SUSD3: variants seen among roughly 807,000 people sequenced by gnomAD.
SUSD3 encodes sushi domain-containing protein 3.
A neutral mutation model predicts 20.6 loss-of-function variants in SUSD3; 18 were observed. The observed-to-expected ratio is 0.87, with a 90% CI of 0.60 to 1.30. The LOEUF is 1.30. Among genes scored for constraint, SUSD3 ranks in the 50% most tolerant of loss-of-function variants. The pLI, the probability that SUSD3 is intolerant of heterozygous loss-of-function variation, is 0.00. For synonymous variants in SUSD3, 137 were observed against 141.5 expected (o/e 0.97, Z 0.23); for missense variants, 306 against 346.9 (o/e 0.88, Z 0.94).
intron 1 of SUSD3, among the ~76,000 whole-genome samples, chr9:93,073,913 T>G (rs1407677328): frequency 6.6e-6 from 1 of 152,180 alleles, no homozygotes; most frequent in Non-Finnish European, 1.5e-5. Flanking sequence ...CCCTGCAGCA[T>G]AAGAGCCGTG....
chr9:93,084,792 G>A lies in SUSD3; in HGVS notation c.*45G>A, dbSNP rs771909683. ...CCCATGCTCCACACTGGGAGGCCAG[G>A]CTGACCCCACCAGCCAGTCAGCTAC... On this transcript the variant is annotated 3_prime_UTR_variant, in exon 5 of 5. Transcript: ENST00000375472. 1.7e-5 allele frequency: 25 copies of A among 1,432,090 alleles called. No homozygotes were observed. The highest frequency in any genetic ancestry group is 2.3e-5 in the Non-Finnish European group (25 of 1,091,918). The allele number at this position is 1,432,090 out of a possible 1,614,324, so 88.7% of individuals were successfully genotyped here. A position where few individuals can be genotyped will look rare whatever the true frequency, so the allele number is the denominator to read the frequency against.
At chr9:93,069,561 A>C (rs1474192039) in intron 1 of SUSD3, among the ~76,000 whole-genome samples, 5 of 152,152 alleles carry the variant, frequency 3.3e-5, no homozygotes, top group Non-Finnish European at 7.4e-5. Context: ...TTTATAACTA[A>C]TTTATTCTTT....
chr9:93,063,522 G>T (rs1825585502), intron 1 of SUSD3, among the ~76,000 whole-genome samples: 1 of 152,186 alleles, frequency 6.6e-6, no homozygotes, highest in Admixed American at 6.5e-5. Context: ...CCAACTGGGG[G>T]CTAAGAGGGG....
At position 93,077,864 on chromosome 9, in the gene SUSD3, C is replaced by A. The variant is rs748140601; in HGVS notation, c.296C>A (p.Thr99Asn). ...PVCKLVPPHE[T>N]FGFKVAVIAS... is the part of the protein sequence containing the mutation. ...CACACAGTGGTGCCACCACACGAGA[C>A]CTTTGGCTTCAAGGTGGCCGTGATC... The change falls in exon 3 of 5, where the codon ACC becomes AAC. Residue 99 changes from threonine to asparagine, a missense_variant. Transcript: ENST00000375472. The A allele has an allele frequency of 1.2e-6, 2 of 1,614,244 alleles. No homozygotes were observed. Among genetic ancestry groups the A allele is most frequent in the East Asian group, 2.2e-5 (1 of 44,888 alleles).
In SUSD3 at chr9:93,084,742, G is replaced by A; in HGVS notation, c.763G>A (p.Gly255Arg). The change falls in exon 5 of 5, where the codon GGG becomes AGG. Residue 255 changes from glycine (G) to arginine (R), a missense_variant. Transcript: ENST00000375472. Reference sequence around the variant, plus strand: ...ACAACAGCCCGCAGCATATGCCCTAGGGTGACCACGCAGTGAGGCTGGTGC... The same window carrying A: ...ACAACAGCCCGCAGCATATGCCCTAAGGTGACCACGCAGTGAGGCTGGTGC... Reference protein sequence around the residue: ...MPQQPAAYALG With the variant: ...MPQQPAAYALR 6.6e-7 allele frequency: 1 copy of A among 1,516,734 alleles called. No individual in the cohort carries two copies. Among genetic ancestry groups the A allele is most frequent in the South Asian group, 1.3e-5 (1 of 79,330 alleles). 94.0% of individuals were successfully genotyped at this position (1,516,734 alleles called of 1,614,324 possible).
In SUSD3 at chr9:93,077,977, C is replaced by T. The variant is rs61755326; in HGVS notation, c.409C>T (p.Arg137Trp). The T allele has an allele frequency of 6.8e-3, 10,956 of 1,614,158 alleles. 40 individuals are homozygous for T. Among genetic ancestry groups the T allele is most frequent in the Non-Finnish European group, 8.2e-3 (9,655 of 1,180,022 alleles). The change falls in exon 3 of 5, where the codon CGG becomes TGG. Residue 137 changes from arginine to tryptophan, a missense_variant. Coordinates refer to ENST00000375472, the MANE Select transcript of SUSD3 (RefSeq NM_145006.4). ...CLLKCVKKSK[R>W]RRSNRSAQLW... Reference sequence around the variant, plus strand: ...CCTCAAGTGCGTGAAGAAGAGCAAGCGGCGGCGCTCCAACAGGTACGGTGG... The same window carrying T: ...CCTCAAGTGCGTGAAGAAGAGCAAGTGGCGGCGCTCCAACAGGTACGGTGG...
At chr9:93,080,617 C>T (rs77264216) in intron 4 of SUSD3, among the ~76,000 whole-genome samples, 2 of 152,232 alleles carry the variant, frequency 1.3e-5, no homozygotes, top group South Asian at 4.1e-4. Context: ...AGGCTGCCCC[C>T]ACGGGCCACA....
At chr9:93,079,367 AC>A in intron 3 of SUSD3, 103 bp from the exon 4 acceptor site, 1 of 1,325,012 alleles carries the variant, frequency 7.5e-7, no homozygotes, top group Non-Finnish European at 1.1e-6. Context: ...GCCAGCCTGC[AC>A]TGGTCCTGCA....
intron 1 of SUSD3, among the ~76,000 whole-genome samples, chr9:93,059,041 G>T (rs981989303): frequency 6.6e-6 from 1 of 152,174 alleles, no homozygotes; most frequent in Non-Finnish European, 1.5e-5. Flanking sequence ...AAACCAGGCG[G>T]CTGCACGCAG....
At chr9:93,082,310 CTTTTTTTTTTTTT>C (rs561486543) in intron 4 of SUSD3, among the ~76,000 whole-genome samples, 10 of 87,240 alleles carry the variant, frequency 1.1e-4, no homozygotes, top group Non-Finnish European at 1.6e-4. Context: ...GGCCTCTTTC[CTTTTTTTTTTTTT>C]TTTTTTTTTT....
intron 1 of SUSD3, 49 bp from the exon 2 acceptor site, chr9:93,075,735 T>TCCCCCCCCCC: frequency 3.2e-5 from 8 of 247,426 alleles, no homozygotes; most frequent in South Asian, 7.0e-5. Context: ...CTGCCCTGCG[T>TCCCCCCCCCC]GCCCACCCCC....
chr9:93,070,298 A>G (rs1391752539), intron 1 of SUSD3, among the ~76,000 whole-genome samples: 1 of 152,164 alleles, frequency 6.6e-6, no homozygotes, highest in Non-Finnish European at 1.5e-5. Context: ...CTTATCTGTA[A>G]TAATACAGAT....
chr9:93,066,538 C>T (rs1416581853), intron 1 of SUSD3, among the ~76,000 whole-genome samples: 1 of 151,556 alleles, frequency 6.6e-6, no homozygotes, highest in Non-Finnish European at 1.5e-5. Context: ...GGCCAAGTAT[C>T]TTCAGTTTTA....
At chr9:93,075,749 C>CCCCCCCCCCCCCCA in intron 1 of SUSD3, 35 bp from the exon 2 acceptor site, 2 of 215,696 alleles carry the variant, frequency 9.3e-6, no homozygotes, top group Non-Finnish European at 9.1e-6. Flanking sequence ...CACCCCCCCC[C>CCCCCCCCCCCCCCA]CCCCGCCATG....
At position 93,075,902 on chromosome 9, in the gene SUSD3, G is replaced by A. The variant is rs1564192120; in HGVS notation, c.207G>A (p.Gly69=). Residue 69 remains glycine, a synonymous_variant, in exon 2 of 5, where the codon GGG becomes GGA. Coordinates refer to ENST00000375472, the MANE Select transcript of SUSD3 (RefSeq NM_145006.4). ...GCCCCTCCAACCACCAGATGGTGGG[G>A]TCTGGGCTCCTCACCTGCACCTGGA... is the stretch of plus-strand genomic sequence containing the variant. The part of the protein sequence containing the change: ...FRCPSNHQMV[G]SGLLTCTWKG... 6.2e-7 allele frequency: 1 copy of A among 1,614,050 alleles called. No individual in the cohort carries two copies. The highest frequency in any genetic ancestry group is 2.2e-5 in the East Asian group (1 of 44,870).
rs901596403 is a variant in SUSD3 at position 93,084,532 on chromosome 9, C to T, written c.558-5C>T. The T allele has an allele frequency of 1.3e-6, 2 of 1,581,624 alleles. No homozygotes were observed. The highest frequency in any genetic ancestry group is 1.7e-6 in the Non-Finnish European group (2 of 1,163,480). ...TTTGCCAACTCATGCCTCCTCTCTC[C>T]ACAGAGACCATGGTGAGAGCACCAG... On this transcript the variant is annotated splice_region_variant and splice_polypyrimidine_tract_variant and intron_variant, in intron 4 of 4. Coordinates refer to ENST00000375472, the MANE Select transcript of SUSD3 (RefSeq NM_145006.4).
intron 1 of SUSD3, among the ~76,000 whole-genome samples, chr9:93,060,111 G>A (rs111443704): frequency 1.3e-5 from 2 of 152,300 alleles, no homozygotes; most frequent in African/African-American, 2.4e-5. Flanking sequence ...TGGAGGCTCT[G>A]GCATATTTGC....
chr9:93,077,745 A>G lies in SUSD3; in HGVS notation c.278-101A>G, dbSNP rs907604009. 8 of 1,311,060 alleles carry G rather than the reference A, an allele frequency of 6.1e-6. No homozygotes were observed. In the African/African-American group the frequency reaches 1.2e-4, roughly 19 times the overall value. The allele number at this position is 1,311,060 out of a possible 1,614,324, so 81.2% of individuals were successfully genotyped here. ...ACTGAGGGCTGCCCAGGCCCTGTCT[A>G]CACCCAGGCCCTACCCGTACCACCC... On this transcript the variant is annotated intron_variant, in intron 2 of 4. Transcript: ENST00000375472.
chr9:93,062,563 G>A (rs185432144), intron 1 of SUSD3, among the ~76,000 whole-genome samples: 307 of 152,298 alleles, frequency 2.0e-3, no homozygotes, highest in African/African-American at 7.0e-3. Flanking sequence ...GGGGTGTGGG[G>A]TCCTCTGCAG....
Sources: allele counts gnomAD v4.1 joint callset (sites outside exome capture counted in the v4.1 genomes callset), GRCh38; gene constraint gnomAD v4.1.1; transcripts MANE v1.5; gene names NCBI Gene and HGNC (gene_info 2026-07-23, HGNC 2026-07-21).